The following CAMTA1 variants were observed in gnomAD, a reference collection of about 807,000 sequenced individuals.
The protein encoded by CAMTA1 is calmodulin binding transcription activator 1, also known as calmodulin-binding transcription activator 1.
Under a neutral mutation model 170.9 loss-of-function variants are expected in CAMTA1, and 27 were observed. That is an observed-to-expected ratio of 0.16 (90% CI 0.12 to 0.22). CAMTA1 has a LOEUF of 0.22. Ranked by LOEUF, CAMTA1 falls within the 10% of genes least tolerant of loss-of-function variation. The pLI, the probability that CAMTA1 is intolerant of heterozygous loss-of-function variation, is 1.00. For missense variants in CAMTA1, 1,619 were observed against 2,217.2 expected (o/e 0.73, Z 5.42); for synonymous variants, 833 against 891.5 (o/e 0.93, Z 1.17).
intron 3 of CAMTA1, among the ~76,000 whole-genome samples, chr1:7,030,720 G>C (rs1482545676): frequency 6.6e-6 from 1 of 152,068 alleles, no homozygotes; most frequent in African/African-American, 2.4e-5. Context: ...CAGAATATAT[G>C]TTGGTAAACA....
chr1:7,191,051 TTG>T (rs1456090923), intron 4 of CAMTA1, among the ~76,000 whole-genome samples: 2 of 152,176 alleles, frequency 1.3e-5, no homozygotes, highest in African/African-American at 4.8e-5. Flanking sequence ...ATAGTGCAGG[TTG>T]TGTTTGTAAG....
chr1:7,130,295 A>G (rs1237129818), intron 4 of CAMTA1, among the ~76,000 whole-genome samples: 1 of 152,216 alleles, frequency 6.6e-6, no homozygotes, highest in African/African-American at 2.4e-5. Flanking sequence ...TATTGTGTGT[A>G]TCAAAAATTC....
intron 3 of CAMTA1, among the ~76,000 whole-genome samples, chr1:6,989,614 C>A (rs2100393634): frequency 6.6e-6 from 1 of 152,216 alleles, no homozygotes; most frequent in East Asian, 1.9e-4. Context: ...AGGCAGTAAA[C>A]CTCTTCATTT....
intron 3 of CAMTA1, among the ~76,000 whole-genome samples, chr1:6,828,921 G>C (rs1261526075): frequency 1.6e-5 from 2 of 124,186 alleles, no homozygotes; most frequent in Admixed American, 9.2e-5. Context: ...TTTGGAGACA[G>C]AGTCTCACTC....
intron 5 of CAMTA1, among the ~76,000 whole-genome samples, chr1:7,407,055 G>A (rs1327941888): frequency 6.6e-6 from 1 of 152,214 alleles, no homozygotes; most frequent in Non-Finnish European, 1.5e-5. Flanking sequence ...CTTGCACTTA[G>A]TGCGAGAGAC....
At chr1:7,001,302 C>T (rs182739019) in intron 3 of CAMTA1, among the ~76,000 whole-genome samples, 208 of 152,322 alleles carry the variant, frequency 1.4e-3, no homozygotes, top group Middle Eastern at 0.014. Flanking sequence ...ATGCTCTCTA[C>T]GTATTTGTCA....
rs756787846 is a variant in CAMTA1 at position 7,663,439 on chromosome 1, G to A, written c.892G>A (p.Gly298Arg). 17 of 1,578,454 alleles carry A rather than the reference G, an allele frequency of 1.1e-5. No homozygotes were observed. Among genetic ancestry groups the A allele is most frequent in the Admixed American group, 1.7e-5 (1 of 58,178 alleles). Residue 298 changes from glycine to arginine, a missense_variant, in exon 9 of 23, where the codon GGG becomes AGG. This residue lies in a region of CAMTA1 where 731 missense variants were observed against 907.6 expected (regional missense o/e 0.81). Coordinates refer to ENST00000303635, the MANE Select transcript of CAMTA1 (RefSeq NM_015215.4). Reference protein sequence around the residue: ...PKVEPRTGGYGSHSEVQHNDV... With the variant: ...PKVEPRTGGYRSHSEVQHNDV... ...GGTGGAGCCACGGACAGGGGGGTACGGGAGCCACTCGGAGGTGCAGCACAA... is the reference window on the plus strand; with the variant it reads ...GGTGGAGCCACGGACAGGGGGGTACAGGAGCCACTCGGAGGTGCAGCACAA...
chr1:7,093,605 A>G lies in CAMTA1; in HGVS notation c.302+2234A>G, dbSNP rs1641734752. Among the ~76,000 whole-genome samples the G allele has an allele frequency of 6.6e-6, 1 of 152,118 alleles. No homozygotes were observed. The highest frequency in any genetic ancestry group is 2.1e-4 in the South Asian group (1 of 4,820). On this transcript the variant is annotated intron_variant, in intron 4 of 22. Coordinates refer to ENST00000303635, the MANE Select transcript of CAMTA1 (RefSeq NM_015215.4). The surrounding 1 kb of genome is among the most constrained non-coding windows in gnomAD (Gnocchi z 4.6). The stretch of plus-strand genomic sequence containing the variant: ...TGACGGCAGAACAGTAGAACATTTC[A>G]AGGCAGCGGTTTTACCTCGAGTTTC...
chr1:7,019,707 G>A (rs1477482607), intron 3 of CAMTA1, among the ~76,000 whole-genome samples: 1 of 152,224 alleles, frequency 6.6e-6, no homozygotes, highest in Non-Finnish European at 1.5e-5. Context: ...TCATCGAGAT[G>A]GAAAACAAGA....
At chr1:7,439,059 T>C (rs1273056472) in intron 5 of CAMTA1, among the ~76,000 whole-genome samples, 3 of 152,124 alleles carry the variant, frequency 2.0e-5, no homozygotes, top group Non-Finnish European at 4.4e-5. Flanking sequence ...AGGGGCAGCT[T>C]CTGGCTGCAG....
rs1027568818 is a variant in CAMTA1 at position 7,682,969 on chromosome 1, A to G, written c.2914+5236A>G. Among the ~76,000 whole-genome samples the G allele has an allele frequency of 2.6e-5, 4 of 152,332 alleles. No individual in the cohort carries two copies. The highest frequency in any genetic ancestry group is 4.4e-5 in the Non-Finnish European group (3 of 68,020). On this transcript the variant is annotated intron_variant, in intron 11 of 22. Coordinates refer to ENST00000303635, the MANE Select transcript of CAMTA1 (RefSeq NM_015215.4). The surrounding 1 kb of genome is among the most constrained non-coding windows in gnomAD (Gnocchi z 5.0). ...GGCGGATCACAAGGTCAGGAGATCG[A>G]GCCCATCCTGGTTAACACGGTGAAA...
chr1:7,333,312 G>C lies in CAMTA1; in HGVS notation c.438+83686G>C, dbSNP rs1285687353. On this transcript the variant is annotated intron_variant, in intron 5 of 22. Coordinates refer to ENST00000303635, the MANE Select transcript of CAMTA1 (RefSeq NM_015215.4). The surrounding 1 kb of genome is among the most constrained non-coding windows in gnomAD (Gnocchi z 4.4). Reference sequence around the variant, plus strand: ...TGGCAATTGACATGAGTTGAACCTAGTTGTCATTCCTGCCGGTGAGGGAGA... The same window carrying C: ...TGGCAATTGACATGAGTTGAACCTACTTGTCATTCCTGCCGGTGAGGGAGA... Among the ~76,000 whole-genome samples the C allele has an allele frequency of 1.3e-5, 2 of 152,210 alleles. No homozygotes were observed. The highest frequency in any genetic ancestry group is 4.8e-5 in the African/African-American group (2 of 41,448).
At chr1:7,343,321 A>G (rs913262921) in intron 5 of CAMTA1, among the ~76,000 whole-genome samples, 2 of 152,152 alleles carry the variant, frequency 1.3e-5, no homozygotes, top group Non-Finnish European at 2.9e-5. Context: ...CTCATGGCAC[A>G]CGGGTGATTG....
At chr1:7,524,677 T>TC (rs2149999749) in intron 6 of CAMTA1, among the ~76,000 whole-genome samples, 1 of 152,226 alleles carries the variant, frequency 6.6e-6, no homozygotes, top group African/African-American at 2.4e-5. Context: ...AGCAGTTCCC[T>TC]CATTTGTTAA....
chr1:7,701,846 T>C (rs2096443773), intron 11 of CAMTA1, among the ~76,000 whole-genome samples: 1 of 152,174 alleles, frequency 6.6e-6, no homozygotes, highest in African/African-American at 2.4e-5. Context: ...AAAAACCCAG[T>C]GTAACAATAT....
At chr1:7,544,002 A>G (rs889246078) in intron 6 of CAMTA1, among the ~76,000 whole-genome samples, 9 of 152,216 alleles carry the variant, frequency 5.9e-5, no homozygotes, top group Non-Finnish European at 4.4e-5. Flanking sequence ...TTCTTAAAAA[A>G]GGGATCCCAC....
chr1:7,588,246 G>A lies in CAMTA1; in HGVS notation c.511-52154G>A, dbSNP rs558758616. On this transcript the variant is annotated intron_variant, in intron 6 of 22. Coordinates refer to ENST00000303635, the MANE Select transcript of CAMTA1 (RefSeq NM_015215.4). This position sits in a 1 kb window ranked among gnomAD's most constrained non-coding sequence, Gnocchi z 5.8. ...AAGCTCCTGTGGCCAGACAACCCCC[G>A]CCCCAGTTCTCACTGCCTCTGACAC... 4.6e-5 allele frequency among the ~76,000 whole-genome samples: 7 copies of A among 152,150 alleles called. No homozygotes were observed. The highest frequency in any genetic ancestry group is 3.4e-3 in the Middle Eastern group (1 of 294).
chr1:7,747,692 C>A lies in CAMTA1; in HGVS notation c.4618-18C>A. On this transcript the variant is annotated intron_variant, in intron 18 of 22. Coordinates refer to ENST00000303635, the MANE Select transcript of CAMTA1 (RefSeq NM_015215.4). Reference sequence around the variant, plus strand: ...GTTAATCATTACTGATTTTTTTTCTCCTTACTTTACCCTTAAGGGCCGACC... The same window carrying A: ...GTTAATCATTACTGATTTTTTTTCTACTTACTTTACCCTTAAGGGCCGACC... The A allele has an allele frequency of 6.4e-7, 1 of 1,559,854 alleles. No homozygotes were observed. Among genetic ancestry groups the A allele is most frequent in the Non-Finnish European group, 8.7e-7 (1 of 1,152,752 alleles).
chr1:7,111,908 A>C (rs996688620), intron 4 of CAMTA1, among the ~76,000 whole-genome samples: 4 of 151,450 alleles, frequency 2.6e-5, no homozygotes, highest in African/African-American at 9.7e-5. Context: ...AAAAAAAAAA[A>C]AAAACCGAAG....
Sources: allele counts gnomAD v4.1 joint callset (sites outside exome capture counted in the v4.1 genomes callset), GRCh38; gene constraint gnomAD v4.1.1; regional missense constraint gnomAD v4.1.1; non-coding constraint Gnocchi (gnomAD v3.1); transcripts MANE v1.5; gene names NCBI Gene and HGNC (gene_info 2026-07-23, HGNC 2026-07-21).